EIF4G3: variants seen among roughly 807,000 people sequenced by gnomAD.
EIF4G3 encodes the protein eIF-4-gamma 3.
Under a neutral mutation model 186.4 loss-of-function variants are expected in EIF4G3, and 34 were observed. That is an observed-to-expected ratio of 0.18 (90% confidence interval 0.14 to 0.24). The LOEUF (loss-of-function observed/expected upper bound fraction) is 0.24. EIF4G3 is among the 10% of genes least tolerant of loss of function. The pLI is 1.00. For missense variants in EIF4G3, 1,536 were observed against 1,948.5 expected, an observed-to-expected ratio of 0.79 and a Z score of 3.99; for synonymous variants, 673 against 679.5, an observed-to-expected ratio of 0.99 and a Z score of 0.15.
chr1:20,956,926 G>A (rs2096444849), intron 12 of EIF4G3, among the ~76,000 whole-genome samples: 1 of 152,056 alleles, frequency 6.6e-6, no homozygotes, highest in Non-Finnish European at 1.5e-5. Context: ...ATAACGAAGG[G>A]GTCACAAACT....
intron 2 of EIF4G3, among the ~76,000 whole-genome samples, chr1:21,173,137 CAAAAAA>C (rs1193601902): frequency 0.057 from 1,646 of 29,042 alleles, 23 homozygotes; most frequent in African/African-American, 0.17. Flanking sequence ...GACTCAATCT[CAAAAAA>C]AAAAAAAAAA....
At chr1:21,171,228 A>G (rs2097960003) in intron 2 of EIF4G3, among the ~76,000 whole-genome samples, 1 of 152,216 alleles carries the variant, frequency 6.6e-6, no homozygotes, top group South Asian at 2.1e-4. Context: ...GCTAATAATC[A>G]GGAACTAGTT....
At chr1:21,003,696 A>G in intron 4 of EIF4G3, 1 of 365,190 alleles carries the variant, frequency 2.7e-6, no homozygotes, top group African/African-American at 2.2e-5. Context: ...TTTGAGTTGC[A>G]CATCATATCT....
intron 25 of EIF4G3, among the ~76,000 whole-genome samples, chr1:20,855,644 C>T (rs559688367): frequency 4.6e-5 from 7 of 152,276 alleles, no homozygotes; most frequent in African/African-American, 1.4e-4. Context: ...AATAAAATTA[C>T]GCTGTAATGC....
At chr1:20,891,096 C>T (rs992061765) in intron 18 of EIF4G3, among the ~76,000 whole-genome samples, 6 of 152,174 alleles carry the variant, frequency 3.9e-5, no homozygotes, top group Admixed American at 6.5e-5. Context: ...ATCTCACATA[C>T]GTAGGTATAC....
At position 20,986,212 on chromosome 1, in the gene EIF4G3, T is replaced by A. The variant is rs565063657; in HGVS notation, c.178-3804A>T. On this transcript the variant is annotated intron_variant, in intron 7 of 36. Coordinates refer to ENST00000602326, the MANE Select transcript of EIF4G3 (RefSeq NM_001391906.1). The stretch of plus-strand genomic sequence containing the variant: ...ATGTACCTGGCACTCACTAAAAAAA[T>A]ATTTGTTGCTGAGTGAAAAGGCAAT... Among the ~76,000 whole-genome samples, 6 of 152,278 alleles carry A rather than the reference T, an allele frequency of 3.9e-5. No homozygotes were observed. The East Asian group carries it at 1.2e-3, about 29-fold the overall frequency.
rs181640888 is a variant in EIF4G3 at position 21,094,430 on chromosome 1, A to G, written c.-271-5217T>C. Among the ~76,000 whole-genome samples the G allele has an allele frequency of 6.0e-3, 913 of 152,136 alleles. 15 individuals carry two copies. The highest frequency in any genetic ancestry group is 0.024 in the East Asian group (125 of 5,178). ...TGGCACATAATATACACCATGGAATACTATGCAGCCATAAAAAAGGATGAG... is the reference window on the plus strand; with the variant it reads ...TGGCACATAATATACACCATGGAATGCTATGCAGCCATAAAAAAGGATGAG... On this transcript the variant is annotated intron_variant, in intron 2 of 36. Coordinates refer to ENST00000602326, the MANE Select transcript of EIF4G3 (RefSeq NM_001391906.1).
chr1:21,077,583 C>CA (rs59376357), intron 3 of EIF4G3, among the ~76,000 whole-genome samples: 9,100 of 122,622 alleles, frequency 0.074, 465 homozygotes, highest in African/African-American at 0.16. Context: ...ATTAAAAATA[C>CA]AAAAAAAAAA....
chr1:21,062,462 A>C (rs540231463), intron 3 of EIF4G3, among the ~76,000 whole-genome samples: 2 of 152,336 alleles, frequency 1.3e-5, no homozygotes, highest in Admixed American at 1.3e-4. Context: ...GAATTTCAAA[A>C]TATAGGCAAA....
chr1:20,859,191 T>C (rs1242519872), intron 24 of EIF4G3, among the ~76,000 whole-genome samples: 1 of 152,238 alleles, frequency 6.6e-6, no homozygotes, highest in Non-Finnish European at 1.5e-5. Flanking sequence ...CTGGCACTTT[T>C]CCAAGAGTTC....
chr1:21,169,077 G>C (rs1334955723), intron 2 of EIF4G3, among the ~76,000 whole-genome samples: 2 of 151,902 alleles, frequency 1.3e-5, no homozygotes, highest in Non-Finnish European at 2.9e-5. Flanking sequence ...AGGCTGAGGT[G>C]GGAGGATTGC....
chr1:20,941,657 A>C lies in EIF4G3; in HGVS notation c.1497T>G (p.Ser499Arg). The C allele has an allele frequency of 3.7e-6, 6 of 1,613,964 alleles. No homozygotes were observed. The highest frequency in any genetic ancestry group is 5.1e-6 in the Non-Finnish European group (6 of 1,179,976). Residue 499 changes from serine (S) to arginine (R), a missense_variant, in exon 14 of 37, where the codon AGT becomes AGG. By Grantham distance (110) the Ser-to-Arg change is moderately radical. Coordinates refer to ENST00000602326, the MANE Select transcript of EIF4G3 (RefSeq NM_001391906.1). The part of the protein sequence containing the change: ...PAAATTVSSP[S>R]AAITVQRVLE... Reference sequence around the variant, plus strand: ...GGACTCTCTGGACTGTGATGGCAGCACTCGGAGAACTAACAGTAGTGGCAG... The same window carrying C: ...GGACTCTCTGGACTGTGATGGCAGCCCTCGGAGAACTAACAGTAGTGGCAG...
intron 26 of EIF4G3, 48 bp from the exon 27 acceptor site, chr1:20,853,725 A>C: frequency 7.2e-7 from 1 of 1,394,890 alleles, no homozygotes; most frequent in Non-Finnish European, 1.0e-6. Context: ...CATGACTAAA[A>C]TGCAAATAAT....
intron 4 of EIF4G3, among the ~76,000 whole-genome samples, chr1:21,028,853 T>C (rs1392018069): frequency 6.6e-6 from 1 of 152,232 alleles, no homozygotes; most frequent in Non-Finnish European, 1.5e-5. Context: ...AGCTATATTA[T>C]ACCTAAATAG....
chr1:21,095,213 T>C (rs2096333754), intron 2 of EIF4G3, among the ~76,000 whole-genome samples: 2 of 152,268 alleles, frequency 1.3e-5, no homozygotes, highest in African/African-American at 4.8e-5. Flanking sequence ...TGTCCAGAAA[T>C]TTACCAATGC....
At chr1:21,018,401 C>A (rs1215813381) in intron 4 of EIF4G3, among the ~76,000 whole-genome samples, 1 of 151,936 alleles carries the variant, frequency 6.6e-6, no homozygotes, top group African/African-American at 2.4e-5. Flanking sequence ...CCAACACAGT[C>A]TCTACTAAAA....
chr1:20,951,112 T>C (rs920231858), intron 12 of EIF4G3, among the ~76,000 whole-genome samples: 10 of 151,802 alleles, frequency 6.6e-5, no homozygotes, highest in Non-Finnish European at 1.5e-4. Flanking sequence ...GAGATTAAGA[T>C]GTGGGTGAGT....
chr1:20,967,755 AC>A (rs1292930221), intron 12 of EIF4G3, among the ~76,000 whole-genome samples: 1 of 152,174 alleles, frequency 6.6e-6, no homozygotes, highest in African/African-American at 2.4e-5. Context: ...ATTTTTATGA[AC>A]TTTTTATTTT....
chr1:20,889,499 A>AT (rs1449770101), intron 18 of EIF4G3, among the ~76,000 whole-genome samples: 1 of 152,018 alleles, frequency 6.6e-6, no homozygotes, highest in African/African-American at 2.4e-5. Flanking sequence ...AATTTTATTT[A>AT]TTTTTTTTAT....
Sources: allele counts gnomAD v4.1 joint callset (sites outside exome capture counted in the v4.1 genomes callset), GRCh38; gene constraint gnomAD v4.1.1; transcripts MANE v1.5; gene names NCBI Gene and HGNC (gene_info 2026-07-23, HGNC 2026-07-21).